SRD5A2: variants seen among roughly 807,000 people sequenced by gnomAD.
SRD5A2 encodes 3-oxo-5-alpha-steroid 4-dehydrogenase 2.
Under a neutral mutation model 27.4 loss-of-function variants are expected in SRD5A2, and 30 were observed. The ratio of observed to expected loss-of-function variants is 1.10; its 90% CI spans 0.82 to 1.49. SRD5A2 has a LOEUF of 1.49. Ranked by LOEUF, SRD5A2 falls within the 40% of genes most tolerant of loss-of-function variation. The pLI is 0.00. For synonymous variants in SRD5A2, 141 were observed against 133.6 expected (o/e 1.06, Z -0.38); for missense variants, 348 against 323.4 (o/e 1.08, Z -0.58).
chr2:31,633,669 A>G, the SRD5A2 span, among the ~76,000 whole-genome samples: 2 of 152,094 alleles, frequency 1.3e-5, no homozygotes, highest in African/African-American at 2.4e-5. Context: ...CTATGCCCCA[A>G]TTCAGCAGGA....
chr2:31,539,793 ACT>A, intron 1 of SRD5A2, among the ~76,000 whole-genome samples: 1 of 151,986 alleles, frequency 6.6e-6, no homozygotes, highest in East Asian at 1.9e-4. Context: ...AACATTCCCA[ACT>A]CTCTCAGCCA....
At chr2:31,569,677 C>CAAAAAAAAAAAAAAAAAAAAA (rs11421066) in intron 1 of SRD5A2, among the ~76,000 whole-genome samples, 1 of 138,574 alleles carries the variant, frequency 7.2e-6, no homozygotes, top group Non-Finnish European at 1.6e-5. Flanking sequence ...AAACAAAAAA[C>CAAAAAAAAAAAAAAAAAAAAA]AAAAAAAAAA....
At chr2:31,563,340 T>G (rs1168869466) in intron 1 of SRD5A2, 1 of 151,316 alleles carries the variant, frequency 6.6e-6, no homozygotes, top group Non-Finnish European at 1.5e-5. Flanking sequence ...CTGCTTCCAG[T>G]CAAGGAGGAA....
chr2:31,593,895 C>T, the SRD5A2 span, among the ~76,000 whole-genome samples: 1 of 152,156 alleles, frequency 6.6e-6, no homozygotes. Flanking sequence ...TATCTTTAGC[C>T]TCCTTAAACA....
the SRD5A2 span, among the ~76,000 whole-genome samples, chr2:31,597,148 T>C: frequency 1.3e-5 from 2 of 151,984 alleles, no homozygotes; most frequent in African/African-American, 2.4e-5. Flanking sequence ...TGGAACAAAA[T>C]AGATAACTCA....
chr2:31,530,384 G>C (rs1170747390), intron 3 of SRD5A2, among the ~76,000 whole-genome samples: 1 of 152,122 alleles, frequency 6.6e-6, no homozygotes, highest in African/African-American at 2.4e-5. Context: ...TTGAAGATGA[G>C]ACTGCGTCAG....
At chr2:31,622,675 G>T in the SRD5A2 span, among the ~76,000 whole-genome samples, 3 of 152,140 alleles carry the variant, frequency 2.0e-5, no homozygotes, top group South Asian at 6.2e-4. Flanking sequence ...TGGTTTTACT[G>T]GGATTCAGAA....
intron 1 of SRD5A2, among the ~76,000 whole-genome samples, chr2:31,572,705 A>G (rs1311384855): frequency 6.6e-6 from 1 of 152,238 alleles, no homozygotes; most frequent in African/African-American, 2.4e-5. Context: ...GTTTTAAAAG[A>G]TAGAAGTAAG....
At chr2:31,565,307 A>G (rs1312761565) in intron 1 of SRD5A2, among the ~76,000 whole-genome samples, 2 of 152,000 alleles carry the variant, frequency 1.3e-5, no homozygotes, top group Non-Finnish European at 1.5e-5. Context: ...AAATGGAAAC[A>G]AATAGCAAGA....
In SRD5A2 at chr2:31,525,529, G is replaced by A. The variant is rs1270477800; in HGVS notation, c.*667C>T. On this transcript the variant is annotated 3_prime_UTR_variant, in exon 5 of 5. Transcript: ENST00000622030. ...GCCATACCAGTTTTCCGGGGATTGT[G>A]AAATCTTCTGGAAAACAGAGGCACT... 4.4e-6 allele frequency: 1 copy of A among 225,322 alleles called. No homozygotes were observed. The highest frequency in any genetic ancestry group is 2.2e-5 in the African/African-American group (1 of 44,844). 14.0% of individuals were successfully genotyped at this position (225,322 alleles called of 1,614,324 possible).
chr2:31,599,865 T>C, the SRD5A2 span, among the ~76,000 whole-genome samples: 1 of 151,948 alleles, frequency 6.6e-6, no homozygotes, highest in Admixed American at 6.6e-5. Context: ...CTGAGGTACA[T>C]GAGCAGGTTT....
chr2:31,622,677 G>C, the SRD5A2 span, among the ~76,000 whole-genome samples: 3 of 152,018 alleles, frequency 2.0e-5, no homozygotes, highest in Non-Finnish European at 4.4e-5. Context: ...GTTTTACTGG[G>C]ATTCAGAAAG....
chr2:31,578,545 G>T (rs1446389342), intron 1 of SRD5A2, among the ~76,000 whole-genome samples: 1 of 152,298 alleles, frequency 6.6e-6, no homozygotes, highest in East Asian at 1.9e-4. Flanking sequence ...GTAACACCCT[G>T]TAAGCACTCA....
At chr2:31,590,311 A>G in the SRD5A2 span, among the ~76,000 whole-genome samples, 1 of 152,196 alleles carries the variant, frequency 6.6e-6, no homozygotes, top group Non-Finnish European at 1.5e-5. Flanking sequence ...CTCCATGAGC[A>G]TGGAATGTTC....
chr2:31,626,405 G>A, the SRD5A2 span, among the ~76,000 whole-genome samples: 1 of 152,156 alleles, frequency 6.6e-6, no homozygotes, highest in African/African-American at 2.4e-5. Flanking sequence ...TTGAATGGGA[G>A]TGGTGAGAGA....
chr2:31,537,911 T>C (rs1666058460), intron 1 of SRD5A2, among the ~76,000 whole-genome samples: 1 of 152,176 alleles, frequency 6.6e-6, no homozygotes, highest in Admixed American at 6.5e-5. Context: ...CACGTGAGAA[T>C]ACACCAAGAA....
intron 1 of SRD5A2, among the ~76,000 whole-genome samples, chr2:31,561,479 C>G (rs1420314992): frequency 6.6e-6 from 1 of 152,156 alleles, no homozygotes; most frequent in Non-Finnish European, 1.5e-5. Context: ...TGGTCCTAAT[C>G]TGGCAGATCC....
upstream of SRD5A2, chr2:31,581,002 G>T (rs1029997506): frequency 1.5e-6 from 2 of 1,324,780 alleles, no homozygotes; most frequent in Admixed American, 2.6e-5. Flanking sequence ...CCGCCCCCTC[G>T]GCCTTGGCTC....
At chr2:31,590,692 A>G in the SRD5A2 span, among the ~76,000 whole-genome samples, 2 of 152,204 alleles carry the variant, frequency 1.3e-5, no homozygotes, top group Non-Finnish European at 2.9e-5. Flanking sequence ...CTACAAGGCT[A>G]CAGTAACCAA....
Sources: allele counts gnomAD v4.1 joint callset (sites outside exome capture counted in the v4.1 genomes callset), GRCh38; gene constraint gnomAD v4.1.1; transcripts MANE v1.5; gene names NCBI Gene and HGNC (gene_info 2026-07-23, HGNC 2026-07-21).